The following COL4A4 variants were observed in gnomAD, a reference collection of about 807,000 sequenced individuals.
COL4A4 encodes the protein collagen type IV alpha 4 chain.
Under a neutral mutation model 192.9 loss-of-function variants are expected in COL4A4, and 105 were observed. That is an observed-to-expected ratio of 0.54 (90% confidence interval 0.46 to 0.64). The LOEUF (loss-of-function observed/expected upper bound fraction) is 0.64, where lower values mean the gene tolerates loss of function less well. Ranked by LOEUF, COL4A4 falls within the 30% of genes least tolerant of loss-of-function variation. The pLI is 0.00. For synonymous variants in COL4A4, 762 were observed against 769.9 expected, an observed-to-expected ratio of 0.99 and a Z score of 0.17; for missense variants, 1,967 against 2,169.3, an observed-to-expected ratio of 0.91 and a Z score of 1.85.
intron 37 of COL4A4, among the ~76,000 whole-genome samples, chr2:227,039,794 G>A (rs1246349146): frequency 2.0e-5 from 3 of 152,288 alleles, no homozygotes; most frequent in Middle Eastern, 3.4e-3. Context: ...GACAGGAAAT[G>A]GCCACAATCA....
rs746435134 is a variant in COL4A4 at position 227,059,396 on chromosome 2, C to A, written c.2383+9G>T. 4.3e-6 allele frequency: 7 copies of A among 1,611,998 alleles called. No homozygotes were observed. Among genetic ancestry groups the A allele is most frequent in the Non-Finnish European group, 3.4e-6 (4 of 1,178,124 alleles). On this transcript the variant is annotated intron_variant, in intron 28 of 47. Coordinates refer to ENST00000396625, the MANE Select transcript of COL4A4 (RefSeq NM_000092.5). The stretch of plus-strand genomic sequence containing the variant: ...TCTATGCACCAAAAGGACAGCAAAG[C>A]CCTCATACCTTCAGCCCCTGGACAT...
chr2:227,074,419 T>G (rs560756299), intron 25 of COL4A4, among the ~76,000 whole-genome samples: 36 of 152,084 alleles, frequency 2.4e-4, no homozygotes, highest in Non-Finnish European at 4.1e-4. Flanking sequence ...GGCATGGATG[T>G]GGAGAAAAGG....
At chr2:227,110,482 T>C (rs1311294725) in intron 9 of COL4A4, among the ~76,000 whole-genome samples, 1 of 151,084 alleles carries the variant, frequency 6.6e-6, no homozygotes, top group Non-Finnish European at 1.5e-5. Context: ...CTCCTGAGTT[T>C]TAGCAGTTCT....
rs750038586 is a variant in COL4A4, at chr2:227,031,990, C to G, written c.3772G>C (p.Gly1258Arg). The G allele has an allele frequency of 6.2e-7, 1 of 1,613,982 alleles. No individual in the cohort carries two copies. The highest frequency in any genetic ancestry group is 1.7e-5 in the Admixed American group (1 of 60,018). The change falls in exon 40 of 48, where the codon GGT (glycine) becomes CGT (arginine). Residue 1258 changes from glycine to arginine, a missense_variant. By Grantham distance (125) the Gly-to-Arg change is moderately radical. Coordinates refer to ENST00000396625, the MANE Select transcript of COL4A4 (RefSeq NM_000092.5). ...GRAPKDIPDP[G>R]PPGDQGPPGP... ...GGAGGTCCCTGATCTCCAGGTGGAC[C>G]CGGGTCAGGAATGTCCTTAGGAGCT...
At position 227,041,714 on chromosome 2, in the gene COL4A4, AG is replaced by A. The variant is rs1219388764; in HGVS notation, c.3505+433del. On this transcript the variant is annotated intron_variant, in intron 37 of 47. Transcript: ENST00000396625. ...AGAGAGAGAGAGAGAGAAGGAAGGA[AG>A]GGAGGAGGAAGGAAGGAAGGAAGGA... Among the ~76,000 whole-genome samples, 118 of 111,816 alleles carry A rather than the reference AG, an allele frequency of 1.1e-3. 1 individual carries two copies. The highest frequency in any genetic ancestry group is 4.4e-3 in the African/African-American group (111 of 25,212). 73.4% of individuals were successfully genotyped at this position (111,816 alleles called of 152,430 possible).
intron 34 of COL4A4, among the ~76,000 whole-genome samples, chr2:227,047,754 C>CACACACAT (rs1424583939): frequency 1.3e-5 from 2 of 151,080 alleles, no homozygotes; most frequent in East Asian, 3.9e-4. Flanking sequence ...CACACACACA[C>CACACACAT]ACACACACGG....
Position 227,033,407 on chromosome 2 carries a change from T to C in COL4A4, c.3577+3A>G. The C allele has an allele frequency of 6.2e-7, 1 of 1,612,170 alleles. No homozygotes were observed. The highest frequency in any genetic ancestry group is 8.5e-7 in the Non-Finnish European group (1 of 1,178,810). ...GTCTGTTACGAATCGATTAGGTGCT[T>C]ACCTGAAGCACCTTTAGTTCCTTTC... On this transcript the variant is annotated splice_donor_region_variant and intron_variant, in intron 38 of 47. Transcript: ENST00000396625.
intron 40 of COL4A4, 100 bp from the exon 41 acceptor site, chr2:227,030,698 A>C (rs1018812563): frequency 1.4e-5 from 12 of 870,936 alleles, no homozygotes; most frequent in Middle Eastern, 2.3e-4. Context: ...AATGACTTGC[A>C]AGCAAGGAAT....
rs764279454 is a variant in COL4A4 at position 227,082,143 on chromosome 2, C to A, written c.1668G>T (p.Lys556Asn). The A allele has an allele frequency of 1.5e-5, 25 of 1,614,060 alleles. No homozygotes were observed. Among genetic ancestry groups the A allele is most frequent in the Admixed American group, 3.3e-5 (2 of 60,004 alleles). Reference protein sequence around the residue: ...ASGPPGNKGAKGDMVVSRVKG... With the variant: ...ASGPPGNKGANGDMVVSRVKG... ...TAACTCTTGATACAACCATGTCACC[C>A]TTCGCCCCTTTGTTGCCAGGTGGTC... The change falls in exon 23 of 48, where the codon AAG becomes AAT. Residue 556 changes from lysine (K) to asparagine (N), a missense_variant. Transcript: ENST00000396625.
At chr2:227,028,907 G>A (rs1312777880) in intron 41 of COL4A4, among the ~76,000 whole-genome samples, 1 of 152,032 alleles carries the variant, frequency 6.6e-6, no homozygotes, top group East Asian at 1.9e-4. Context: ...GGATCCTCAC[G>A]CCTTGGCCTC....
chr2:226,993,535 CA>C, the COL4A4 span, among the ~76,000 whole-genome samples: 1 of 152,212 alleles, frequency 6.6e-6, no homozygotes, highest in African/African-American at 2.4e-5. Flanking sequence ...TATGTAATTT[CA>C]AAGCATTTAC....
intron 25 of COL4A4, among the ~76,000 whole-genome samples, chr2:227,064,229 C>T (rs540628847): frequency 5.3e-5 from 8 of 152,122 alleles, no homozygotes; most frequent in African/African-American, 1.2e-4. Flanking sequence ...AAAACTAATC[C>T]GAACTTTGAC....
chr2:226,974,003 C>G, the COL4A4 span, among the ~76,000 whole-genome samples: 1 of 152,154 alleles, frequency 6.6e-6, no homozygotes, highest in African/African-American at 2.4e-5. Context: ...AGGCCCAGTG[C>G]CCCTCACCGC....
chr2:227,121,516 C>A (rs1464707240), intron 4 of COL4A4, among the ~76,000 whole-genome samples: 1 of 145,496 alleles, frequency 6.9e-6, no homozygotes, highest in Non-Finnish European at 1.5e-5. Flanking sequence ...GTGAGCTGAT[C>A]GCACCACTGC....
chr2:227,009,767 G>A (rs1963212605), intron 46 of COL4A4, among the ~76,000 whole-genome samples: 1 of 150,222 alleles, frequency 6.7e-6, no homozygotes, highest in South Asian at 2.1e-4. Flanking sequence ...AGAGGGGAGG[G>A]GAGGGGAAGG....
chr2:227,041,898 G>GAAAGAAAGAA (rs1971484975), intron 37 of COL4A4, among the ~76,000 whole-genome samples: 2 of 149,380 alleles, frequency 1.3e-5, no homozygotes, highest in South Asian at 4.2e-4. Flanking sequence ...AAGAAAGAAA[G>GAAAGAAAGAA]AAAGAAAGAA....
Position 227,005,066 on chromosome 2 carries a change from C to T in COL4A4, c.*2259G>A, listed in dbSNP as rs886055708. On this transcript the variant is annotated 3_prime_UTR_variant, in exon 48 of 48. Transcript: ENST00000396625. ...TCCGCCCTTTTGATCCTTTAAAATA[C>T]TTTTGTAAAATTAGAGGGCAGTGTT... 1.3e-5 allele frequency: 2 copies of T among 152,118 alleles called. No individual in the cohort carries two copies. Among genetic ancestry groups the T allele is most frequent in the African/African-American group, 2.4e-5 (1 of 41,400 alleles). 9.4% of individuals were successfully genotyped at this position (152,118 alleles called of 1,614,324 possible).
intron 1 of COL4A4, among the ~76,000 whole-genome samples, chr2:227,148,329 G>T (rs2063688540): frequency 6.6e-6 from 1 of 152,178 alleles, no homozygotes; most frequent in Admixed American, 6.5e-5. Flanking sequence ...CCATGAAAAG[G>T]AATGAAGTGC....
intron 21 of COL4A4, 79 bp downstream of exon 21, chr2:227,089,789 A>G (rs2059813133): frequency 8.7e-7 from 1 of 1,143,946 alleles, no homozygotes; most frequent in South Asian, 1.3e-5. Context: ...ATGAAATGCC[A>G]CATTACACAT....
Sources: allele counts gnomAD v4.1 joint callset (sites outside exome capture counted in the v4.1 genomes callset), GRCh38; gene constraint gnomAD v4.1.1; transcripts MANE v1.5; gene names NCBI Gene and HGNC (gene_info 2026-07-23, HGNC 2026-07-21).